Variants in DCC observed in about 807,000 individuals in gnomAD.
DCC encodes DCC netrin 1 receptor.
A neutral mutation model predicts 172.5 loss-of-function variants in DCC; 58 were observed. The ratio of observed to expected loss-of-function variants is 0.34; its 90% CI spans 0.27 to 0.42. The LOEUF (loss-of-function observed/expected upper bound fraction) is 0.42, where lower values mean the gene tolerates loss of function less well. Ranked by LOEUF, DCC falls within the 10% of genes least tolerant of loss-of-function variation. The pLI, the probability that DCC is intolerant of heterozygous loss-of-function variation, is 1.00. For missense variants in DCC, 1,740 were observed against 1,791.0 expected (o/e 0.97, Z 0.51); for synonymous variants, 709 against 644.5 (o/e 1.10, Z -1.52).
chr18:52,873,143 C>T (rs1294796679), intron 2 of DCC, among the ~76,000 whole-genome samples: 2 of 152,140 alleles, frequency 1.3e-5, no homozygotes, highest in Non-Finnish European at 2.9e-5. Context: ...TCCCACAAGT[C>T]TCATCCAGAG....
chr18:52,788,918 C>G (rs927166565), intron 2 of DCC, among the ~76,000 whole-genome samples: 2 of 152,034 alleles, frequency 1.3e-5, no homozygotes, highest in Non-Finnish European at 2.9e-5. Context: ...GCAAGGCAAC[C>G]CAAATCCATT....
At chr18:52,489,044 C>T (rs747090944) in intron 1 of DCC, among the ~76,000 whole-genome samples, 8 of 152,002 alleles carry the variant, frequency 5.3e-5, no homozygotes, top group African/African-American at 1.7e-4. Flanking sequence ...ATACACACAT[C>T]GATCTCCTAC....
intron 9 of DCC, among the ~76,000 whole-genome samples, chr18:53,193,523 T>C (rs1486434222): frequency 1.3e-5 from 2 of 152,116 alleles, no homozygotes; most frequent in Non-Finnish European, 2.9e-5. Flanking sequence ...ACAAAGACAT[T>C]AAATAGCTTG....
intron 1 of DCC, among the ~76,000 whole-genome samples, chr18:52,525,558 C>A (rs1356998339): frequency 6.6e-6 from 1 of 152,208 alleles, no homozygotes; most frequent in Non-Finnish European, 1.5e-5. Context: ...TGTAAGAAAT[C>A]TGACCGCATA....
chr18:52,802,011 T>A (rs560881690), intron 2 of DCC, among the ~76,000 whole-genome samples: 118 of 151,952 alleles, frequency 7.8e-4, no homozygotes, highest in African/African-American at 2.8e-3. Flanking sequence ...ATTCTTTTTT[T>A]TTTTTTAACC....
intron 25 of DCC, chr18:53,480,747 G>A (rs2045821768): frequency 6.6e-6 from 1 of 152,106 alleles, no homozygotes; most frequent in Non-Finnish European, 1.5e-5. Flanking sequence ...TTGTGCAGAT[G>A]AGGAAACTGA....
chr18:52,592,477 T>G (rs1052807221), intron 1 of DCC, among the ~76,000 whole-genome samples: 2 of 152,182 alleles, frequency 1.3e-5, no homozygotes, highest in Non-Finnish European at 2.9e-5. Context: ...TTGGCGGAAT[T>G]CACTTTACAA....
intron 14 of DCC, among the ~76,000 whole-genome samples, chr18:53,325,344 G>T (rs569999097): frequency 6.6e-6 from 1 of 152,162 alleles, no homozygotes; most frequent in Admixed American, 6.6e-5. Context: ...GTGAGATCAC[G>T]TTATTTACCC....
At chr18:52,645,695 T>G (rs1392887790) in intron 1 of DCC, among the ~76,000 whole-genome samples, 1 of 152,192 alleles carries the variant, frequency 6.6e-6, no homozygotes, top group Non-Finnish European at 1.5e-5. Context: ...AATTATTGAC[T>G]TCTATCTTAA....
intron 1 of DCC, among the ~76,000 whole-genome samples, chr18:52,430,866 T>G (rs1987597976): frequency 6.6e-6 from 1 of 152,218 alleles, no homozygotes. Flanking sequence ...AAAGCATGAT[T>G]GCTTTCACTA....
chr18:53,361,981 T>C (rs17412782), intron 15 of DCC, among the ~76,000 whole-genome samples: 45,159 of 152,050 alleles, frequency 0.3, 8,615 homozygotes, highest in Non-Finnish European at 0.44. Flanking sequence ...ACAGTACTTA[T>C]GGAAAGCTTG....
At chr18:52,696,629 C>G (rs1304773861) in intron 1 of DCC, among the ~76,000 whole-genome samples, 1 of 152,158 alleles carries the variant, frequency 6.6e-6, no homozygotes, top group East Asian at 1.9e-4. Flanking sequence ...TAGGGCTAAA[C>G]TGGAGCTCAC....
intron 27 of DCC, among the ~76,000 whole-genome samples, chr18:53,510,705 A>G (rs918221707): frequency 2.0e-5 from 3 of 152,242 alleles, no homozygotes; most frequent in East Asian, 3.8e-4. Flanking sequence ...TGTGATGTTT[A>G]TATTTATATT....
chr18:53,253,874 A>G (rs775102140), intron 12 of DCC, among the ~76,000 whole-genome samples: 2 of 152,028 alleles, frequency 1.3e-5, no homozygotes, highest in African/African-American at 2.4e-5. Context: ...ATGCTATTCT[A>G]CATGACTAAT....
intron 5 of DCC, among the ~76,000 whole-genome samples, chr18:53,040,627 C>A (rs562534012): frequency 6.6e-6 from 1 of 151,850 alleles, no homozygotes; most frequent in Admixed American, 6.6e-5. Flanking sequence ...TTGGCCCAGG[C>A]GTGGGAGTTA....
intron 6 of DCC, among the ~76,000 whole-genome samples, chr18:53,063,889 G>T (rs1397503468): frequency 6.6e-6 from 1 of 152,080 alleles, no homozygotes; most frequent in Non-Finnish European, 1.5e-5. Flanking sequence ...TCTTCACTTG[G>T]TAATACAGAC....
At chr18:52,959,829 TG>T (rs1432907613) in intron 5 of DCC, among the ~76,000 whole-genome samples, 1 of 152,158 alleles carries the variant, frequency 6.6e-6, no homozygotes, top group Non-Finnish European at 1.5e-5. Context: ...AAGAATTTCA[TG>T]GGATACTAGT....
intron 7 of DCC, among the ~76,000 whole-genome samples, chr18:53,138,021 T>A (rs1255063888): frequency 1.3e-5 from 2 of 151,650 alleles, no homozygotes; most frequent in Non-Finnish European, 2.9e-5. Flanking sequence ...AGAGACAGGA[T>A]GTTGCAATGT....
intron 1 of DCC, among the ~76,000 whole-genome samples, chr18:52,655,282 T>C (rs1388020416): frequency 6.6e-6 from 1 of 152,152 alleles, no homozygotes; most frequent in African/African-American, 2.4e-5. Flanking sequence ...CAGGTGAACA[T>C]TGAGGGTCAG....
Sources: gnomAD v4.1 joint callset for allele counts (sites outside exome capture counted in the v4.1 genomes callset) on GRCh38, gnomAD v4.1.1 for gene constraint, MANE v1.5 for transcripts, NCBI Gene and HGNC (gene_info 2026-07-23, HGNC 2026-07-21) for gene names.